Variants in PTPRD observed in about 807,000 individuals in gnomAD.
PTPRD encodes the protein receptor-type tyrosine-protein phosphatase delta.
PTPRD carries 34 observed loss-of-function variants against 214.5 expected under a neutral mutation model. The observed-to-expected ratio is 0.16, with a 90% CI of 0.12 to 0.21. PTPRD has a LOEUF of 0.21. Among genes scored for constraint, PTPRD ranks in the 10% least tolerant of loss-of-function variants. The pLI, the probability that PTPRD is intolerant of heterozygous loss-of-function variation, is 1.00. For synonymous variants in PTPRD, 1,128 were observed against 845.7 expected, an observed-to-expected ratio of 1.33 and a Z score of -5.79; for missense variants, 2,545 against 2,398.7, an observed-to-expected ratio of 1.06 and a Z score of -1.27.
chr9:9,951,173 C>G (rs1380515004), intron 4 of PTPRD, among the ~76,000 whole-genome samples: 1 of 152,004 alleles, frequency 6.6e-6, no homozygotes, highest in Non-Finnish European at 1.5e-5. Context: ...GACAATGGAA[C>G]TATGAGGTCT....
In PTPRD at chr9:10,167,304, G is replaced by A. The variant is rs552562186; in HGVS notation, c.-544-133514C>T. Among the ~76,000 whole-genome samples the A allele has an allele frequency of 2.0e-5, 3 of 152,060 alleles. No individual in the cohort carries two copies. The East Asian group carries it at 5.8e-4, about 30-fold the overall frequency. On this transcript the variant is annotated intron_variant, in intron 3 of 45. Transcript: ENST00000381196. ...ATACAAGATTAAAGCTGGTGCTGGA[G>A]ATTTTTGGGCTCATGCGTGCACGTC...
chr9:9,535,011 C>G (rs139005970), intron 8 of PTPRD, among the ~76,000 whole-genome samples: 1 of 151,950 alleles, frequency 6.6e-6, no homozygotes, highest in Non-Finnish European at 1.5e-5. Context: ...ATGTAGACAG[C>G]GAAATGTCCA....
rs113131187 is a variant in PTPRD, at chr9:10,132,348, AT to A, written c.-544-98559del. ...CAAATAGATTCTCAGACAGAATGTA[AT>A]TTAAAAAAAACTTCAACTATATATT... On this transcript the variant is annotated intron_variant, in intron 3 of 45. Transcript: ENST00000381196. Among the ~76,000 whole-genome samples the A allele has an allele frequency of 3.0e-3, 457 of 152,284 alleles. 2 individuals are homozygous for A. Among genetic ancestry groups the A allele is most frequent in the African/African-American group, 0.01 (421 of 41,580 alleles).
intron 2 of PTPRD, among the ~76,000 whole-genome samples, chr9:10,576,862 G>C (rs2069562780): frequency 6.6e-6 from 1 of 152,112 alleles, no homozygotes; most frequent in Non-Finnish European, 1.5e-5. Flanking sequence ...AACAAGGGTA[G>C]ATGCCACCAA....
chr9:9,363,557 G>C (rs1236185287), intron 9 of PTPRD, among the ~76,000 whole-genome samples: 1 of 151,370 alleles, frequency 6.6e-6, no homozygotes, highest in Non-Finnish European at 1.5e-5. Flanking sequence ...AGGGGACTGA[G>C]ATTGGCTCTC....
chr9:10,107,405 T>C lies in PTPRD; in HGVS notation c.-544-73615A>G, dbSNP rs147956038. On this transcript the variant is annotated intron_variant, in intron 3 of 45. Transcript: ENST00000381196. The stretch of plus-strand genomic sequence containing the variant: ...ATCATGCTGCATAAACATGACTCAT[T>C]TTTTTGTTGTAAATAGAATTTTACA... Among the ~76,000 whole-genome samples, 4 of 152,138 alleles carry C rather than the reference T, an allele frequency of 2.6e-5. No homozygotes were observed. The East Asian group carries it at 7.7e-4, about 29-fold the overall frequency.
intron 5 of PTPRD, among the ~76,000 whole-genome samples, chr9:9,788,024 C>T (rs569352543): frequency 9.2e-5 from 14 of 151,488 alleles, no homozygotes; most frequent in Admixed American, 5.2e-4. Flanking sequence ...TTAAGGTGAT[C>T]CACCCCACCT....
chr9:9,527,403 C>A (rs1350037951), intron 8 of PTPRD, among the ~76,000 whole-genome samples: 2 of 152,188 alleles, frequency 1.3e-5, no homozygotes, highest in African/African-American at 4.8e-5. Flanking sequence ...CTTGTTGTGG[C>A]ACCATGTCAC....
At chr9:8,923,707 C>G (rs2098844159) in intron 11 of PTPRD, among the ~76,000 whole-genome samples, 3 of 152,168 alleles carry the variant, frequency 2.0e-5, no homozygotes, top group Non-Finnish European at 4.4e-5. Flanking sequence ...GGTAAACTCT[C>G]CAAGTATTGT....
At chr9:9,101,747 T>C (rs771333723) in intron 10 of PTPRD, among the ~76,000 whole-genome samples, 1 of 152,212 alleles carries the variant, frequency 6.6e-6, no homozygotes, top group Non-Finnish European at 1.5e-5. Flanking sequence ...AATACCCATA[T>C]GATTAACCCA....
At chr9:9,673,007 C>A in intron 7 of PTPRD, among the ~76,000 whole-genome samples, 1 of 151,998 alleles carries the variant, frequency 6.6e-6, no homozygotes, top group Non-Finnish European at 1.5e-5. Flanking sequence ...ATAACGTATA[C>A]AAATTAAAAT....
chr9:9,548,405 CTT>C (rs1157663823), intron 8 of PTPRD, among the ~76,000 whole-genome samples: 96 of 118,544 alleles, frequency 8.1e-4, no homozygotes, highest in African/African-American at 2.8e-3. Context: ...GACTTTTTTT[CTT>C]TTTTTTTTTT....
chr9:9,202,524 G>A (rs940567625), intron 9 of PTPRD, among the ~76,000 whole-genome samples: 1 of 152,072 alleles, frequency 6.6e-6, no homozygotes, highest in East Asian at 1.9e-4. Flanking sequence ...TGTTGAAGAG[G>A]CCACATTACA....
chr9:10,221,256 G>T (rs550964562), intron 3 of PTPRD, among the ~76,000 whole-genome samples: 13 of 152,034 alleles, frequency 8.6e-5, no homozygotes, highest in African/African-American at 3.1e-4. Flanking sequence ...GTACTGAACG[G>T]GAGCTCAGAT....
At chr9:9,598,425 C>G (rs950716233) in intron 7 of PTPRD, among the ~76,000 whole-genome samples, 25 of 151,864 alleles carry the variant, frequency 1.6e-4, no homozygotes, top group African/African-American at 4.6e-4. Flanking sequence ...TCTTGGAAAC[C>G]ATTGCCCTAC....
intron 9 of PTPRD, among the ~76,000 whole-genome samples, chr9:9,352,644 G>C (rs947238444): frequency 1.3e-5 from 2 of 151,784 alleles, no homozygotes; most frequent in Admixed American, 1.3e-4. Flanking sequence ...AGCAAACTCA[G>C]AATAATTTAC....
intron 3 of PTPRD, among the ~76,000 whole-genome samples, chr9:10,312,185 T>G (rs2096283784): frequency 6.6e-6 from 1 of 152,016 alleles, no homozygotes; most frequent in African/African-American, 2.4e-5. Flanking sequence ...ATTATGAGAT[T>G]TTATGTTATA....
At chr9:10,608,423 A>G (rs778812878) in intron 2 of PTPRD, among the ~76,000 whole-genome samples, 1 of 152,000 alleles carries the variant, frequency 6.6e-6, no homozygotes, top group Non-Finnish European at 1.5e-5. Flanking sequence ...ATAAACATTC[A>G]ATCTCAATCT....
intron 11 of PTPRD, among the ~76,000 whole-genome samples, chr9:8,751,511 T>A (rs2093529959): frequency 6.6e-6 from 1 of 152,212 alleles, no homozygotes; most frequent in Non-Finnish European, 1.5e-5. Context: ...GCAGTGATAC[T>A]AATACCCAAT....
Sources: allele counts gnomAD v4.1 joint callset (sites outside exome capture counted in the v4.1 genomes callset), GRCh38; gene constraint gnomAD v4.1.1; transcripts MANE v1.5; gene names NCBI Gene and HGNC (gene_info 2026-07-23, HGNC 2026-07-21).